SYNE1: variants seen among roughly 807,000 people sequenced by gnomAD.
The protein encoded by SYNE1 is nesprin-1.
In SYNE1, 616 loss-of-function variants were observed where a neutral mutation model predicts 1,111.0. The observed-to-expected ratio is 0.55, with a 90% confidence interval of 0.52 to 0.59. The LOEUF (loss-of-function observed/expected upper bound fraction) is 0.59, where lower values mean the gene tolerates loss of function less well. Ranked by LOEUF, SYNE1 falls within the 20% of genes least tolerant of loss-of-function variation. The pLI is 0.00. For synonymous variants in SYNE1, 3,855 were observed against 3,825.8 expected, an observed-to-expected ratio of 1.01 and a Z score of -0.28; for missense variants, 10,006 against 10,417.0, an observed-to-expected ratio of 0.96 and a Z score of 1.72.
At position 152,324,798 on chromosome 6, in the gene SYNE1, C is replaced by A. The variant is rs538493662; in HGVS notation, c.15657+286G>T. Reference sequence around the variant, plus strand: ...CCTGGGCGACAGAGGGAGACTCCGTCAAAAAAAAGAAAGAAAGCAAATGGG... The same window carrying A: ...CCTGGGCGACAGAGGGAGACTCCGTAAAAAAAAAGAAAGAAAGCAAATGGG... On this transcript the variant is annotated intron_variant, in intron 81 of 145. Transcript: ENST00000367255. Among the ~76,000 whole-genome samples the A allele has an allele frequency of 2.1e-3, 319 of 151,804 alleles. 1 individual carries two copies. The highest frequency in any genetic ancestry group is 7.6e-3 in the African/African-American group (314 of 41,440).
rs1423174038 is a variant in SYNE1, at chr6:152,219,020, G to C, written c.22027C>G (p.Gln7343Glu). ...CTCTGTACCTGTAATGAAGTCTGCT[G>C]TTTGCAGAGAGCTTGCTCCAGGGCA... ...LCALEQALCK[Q>E]QTSLQAGVLD... The change falls in exon 120 of 146, where the codon CAG becomes GAG. Residue 7343 changes from glutamine to glutamate, a missense_variant. By Grantham distance (29) the Gln-to-Glu change is conservative (BLOSUM62 2). This residue lies in a region of SYNE1 where 2,182 missense variants were observed against 2,287.8 expected (regional missense o/e 0.95). Transcript: ENST00000367255. 6.2e-7 allele frequency: 1 copy of C among 1,613,932 alleles called. No homozygotes were observed. The highest frequency in any genetic ancestry group is 2.2e-5 in the East Asian group (1 of 44,886).
At chr6:152,534,178 G>A (rs200033060) in intron 4 of SYNE1, among the ~76,000 whole-genome samples, 1 of 120,984 alleles carries the variant, frequency 8.3e-6, no homozygotes, top group African/African-American at 4.0e-5. Context: ...ATAAATGAAT[G>A]AATGAATGAA....
chr6:152,439,737 A>G (rs1157927239), intron 32 of SYNE1, among the ~76,000 whole-genome samples: 2 of 152,106 alleles, frequency 1.3e-5, no homozygotes, highest in Non-Finnish European at 2.9e-5. Context: ...AGGCTAGGGA[A>G]GGGTGGGCAC....
rs1252164567 is a variant in SYNE1, at chr6:152,321,091, C to T, written c.16236+147G>A. 7.0e-6 allele frequency: 6 copies of T among 863,150 alleles called. No individual in the cohort carries two copies. In the Admixed American group the frequency reaches 1.7e-4, roughly 24 times the overall value. 53.5% of individuals were successfully genotyped at this position (863,150 alleles called of 1,614,324 possible). A position where few individuals can be genotyped will look rare whatever the true frequency, so the allele number is the denominator to read the frequency against. On this transcript the variant is annotated intron_variant, in intron 84 of 145. Transcript: ENST00000367255. ...ATCATCTTGCCTATGAAAAAGACTT[C>T]TAATTTAATATTATTGTTTTATAGC...
At chr6:152,194,745 G>A (rs1032499960) in intron 127 of SYNE1, among the ~76,000 whole-genome samples, 9 of 151,868 alleles carry the variant, frequency 5.9e-5, no homozygotes, top group South Asian at 2.1e-4. Flanking sequence ...TCAAGCTCAC[G>A]AATTCTTTCC....
At chr6:152,485,191 T>C (rs968047532) in intron 12 of SYNE1, among the ~76,000 whole-genome samples, 4 of 152,230 alleles carry the variant, frequency 2.6e-5, no homozygotes, top group African/African-American at 9.6e-5. Flanking sequence ...TTATCCTCTC[T>C]GGTTCTCTCC....
chr6:152,322,161 T>C (rs2095884899), intron 82 of SYNE1, among the ~76,000 whole-genome samples: 1 of 152,234 alleles, frequency 6.6e-6, no homozygotes. Flanking sequence ...GATTATTTCA[T>C]TATTTACTTC....
At position 152,407,161 on chromosome 6, in the gene SYNE1, C is replaced by T. The variant is rs753670583; in HGVS notation, c.6576G>A (p.Leu2192=). ...SEKLEENMDR[L]RVSLSIWDDV... ...CATCCCAAATGGACAGGCTTACTCT[C>T]AGCCTATCCATGTTTTCTTCAAGTT... The change falls in exon 45 of 146, where the codon CTG becomes CTA. Residue 2192 remains leucine (L), a synonymous_variant. Coordinates refer to ENST00000367255, the MANE Select transcript of SYNE1 (RefSeq NM_182961.4). The T allele has an allele frequency of 1.2e-6, 2 of 1,614,084 alleles. No individual in the cohort carries two copies. Among genetic ancestry groups the T allele is most frequent in the Non-Finnish European group, 1.7e-6 (2 of 1,179,998 alleles).
At chr6:152,375,767 T>G (rs2097269303) in intron 58 of SYNE1, among the ~76,000 whole-genome samples, 1 of 152,170 alleles carries the variant, frequency 6.6e-6, no homozygotes, top group Non-Finnish European at 1.5e-5. Context: ...CCACTTAAAG[T>G]GCTCAGGAAC....
intron 13 of SYNE1, among the ~76,000 whole-genome samples, chr6:152,484,013 G>A (rs1308426766): frequency 7.6e-6 from 1 of 130,776 alleles, no homozygotes; most frequent in Non-Finnish European, 1.6e-5. Context: ...ACCACCCTGG[G>A]CAATATAGTG....
intron 74 of SYNE1, among the ~76,000 whole-genome samples, chr6:152,340,019 A>G (rs1331601497): frequency 1.3e-5 from 2 of 152,218 alleles, no homozygotes; most frequent in African/African-American, 4.8e-5. Flanking sequence ...CATTCTTAGG[A>G]AGGAGATAAA....
chr6:152,296,917 A>C (rs1001896649), intron 93 of SYNE1, among the ~76,000 whole-genome samples: 12 of 151,370 alleles, frequency 7.9e-5, no homozygotes, highest in African/African-American at 2.5e-4. Context: ...TTTTATCACC[A>C]GGGTGGACCA....
chr6:152,214,231 A>ATG (rs1478778515), intron 122 of SYNE1, among the ~76,000 whole-genome samples: 1 of 152,002 alleles, frequency 6.6e-6, no homozygotes, highest in Non-Finnish European at 1.5e-5. Context: ...AGTTGAAAAA[A>ATG]TGTAGAAGTT....
chr6:152,458,590 G>T (rs2098712367), intron 22 of SYNE1, among the ~76,000 whole-genome samples, 167 bp downstream of exon 22: 1 of 152,212 alleles, frequency 6.6e-6, no homozygotes, highest in African/African-American at 2.4e-5. Flanking sequence ...CACTGACAGT[G>T]AATGGATTTT....
chr6:152,312,222 TTTC>T (rs34582865), intron 87 of SYNE1, among the ~76,000 whole-genome samples: 66,510 of 126,036 alleles, frequency 0.53, 15,633 homozygotes, highest in East Asian at 0.73. Flanking sequence ...TTTTTTTTTT[TTTC>T]TGAGACGGAG....
chr6:152,326,617 A>G lies in SYNE1; in HGVS notation c.14972T>C (p.Ile4991Thr). 5 of 1,613,878 alleles carry G rather than the reference A, an allele frequency of 3.1e-6. No individual in the cohort carries two copies. The highest frequency in any genetic ancestry group is 3.4e-6 in the Non-Finnish European group (4 of 1,180,002). The stretch of plus-strand genomic sequence containing the variant: ...ATAATACCTTTGACACTGGCTATAT[A>G]TTTCAGTCAAGGTAGCCTGAAAAAC... The part of the protein sequence containing the change: ...LRTRQATLTE[I>T]YSQCQRYYQV... The change falls in exon 79 of 146, where the codon ATA (isoleucine) becomes ACA (threonine). Residue 4991 changes from isoleucine (I) to threonine (T), a missense_variant. Coordinates refer to ENST00000367255, the MANE Select transcript of SYNE1 (RefSeq NM_182961.4).
intron 52 of SYNE1, 151 bp downstream of exon 52, chr6:152,391,126 C>G: frequency 9.6e-7 from 1 of 1,042,252 alleles, no homozygotes. Context: ...AAAATGATGC[C>G]TCTGTATCCT....
chr6:152,387,662 G>C lies in SYNE1; in HGVS notation c.8178-281C>G, dbSNP rs6557218. Among the ~76,000 whole-genome samples, 6,682 of 152,228 alleles carry C rather than the reference G, an allele frequency of 0.044. 198 individuals carry two copies. The highest frequency in any genetic ancestry group is 0.081 in the African/African-American group (3,351 of 41,536). On this transcript the variant is annotated intron_variant, in intron 53 of 145. Coordinates refer to ENST00000367255, the MANE Select transcript of SYNE1 (RefSeq NM_182961.4). ...CTTCCAAATGCTAACTATTCTAAAT[G>C]AGCAATATACATTTATATGTTATGT...
intron 6 of SYNE1, among the ~76,000 whole-genome samples, chr6:152,513,237 T>A (rs2099094525): frequency 6.6e-6 from 1 of 152,230 alleles, no homozygotes; most frequent in South Asian, 2.1e-4. Context: ...TTTGTGTCCC[T>A]CCAAAATTCA....
Sources: allele counts gnomAD v4.1 joint callset (sites outside exome capture counted in the v4.1 genomes callset), GRCh38; gene constraint gnomAD v4.1.1; regional missense constraint gnomAD v4.1.1; transcripts MANE v1.5; gene names NCBI Gene and HGNC (gene_info 2026-07-23, HGNC 2026-07-21).